The following AOPEP variants were observed in gnomAD, a reference collection of about 807,000 sequenced individuals.
AOPEP encodes aminopeptidase O (putative).
A neutral mutation model predicts 98.1 loss-of-function variants in AOPEP; 77 were observed. The ratio of observed to expected loss-of-function variants is 0.78; its 90% CI spans 0.65 to 0.95. AOPEP has a LOEUF of 0.95. Ranked by LOEUF, AOPEP falls within the 40% of genes least tolerant of loss-of-function variation. The probability of loss-of-function intolerance (pLI) is 0.00; values close to 1 mark genes in which losing one functional copy is unlikely to be tolerated. For missense variants in AOPEP, 1,024 were observed against 1,024.7 expected (o/e 1.00, Z 0.01); for synonymous variants, 346 against 365.3 (o/e 0.95, Z 0.60).
At chr9:95,146,991 TAA>T in the AOPEP span, among the ~76,000 whole-genome samples, 18 of 151,046 alleles carry the variant, frequency 1.2e-4, no homozygotes, top group Non-Finnish European at 3.0e-5. Context: ...AAATTTTATC[TAA>T]GTTATTTTAG....
chr9:95,086,037 G>C lies in AOPEP; in HGVS notation c.*5-645G>C, dbSNP rs527734535. 5.4e-5 allele frequency: 74 copies of C among 1,367,624 alleles called. No individual in the cohort carries two copies. In the Admixed American group the frequency reaches 1.4e-3, roughly 26 times the overall value. The allele number at this position is 1,367,624 out of a possible 1,614,324, so 84.7% of individuals were successfully genotyped here. A position where few individuals can be genotyped will look rare whatever the true frequency, so the allele number is the denominator to read the frequency against. ...GGACCCGCCCTCCGGTGCCTACTGA[G>C]CTGATATCAGTTCTCATTTTACACA... On this transcript the variant is annotated intron_variant, in intron 16 of 16. Transcript: ENST00000375315.
intron 13 of AOPEP, among the ~76,000 whole-genome samples, chr9:95,060,371 G>T (rs1017470740): frequency 1.3e-5 from 2 of 152,142 alleles, no homozygotes; most frequent in African/African-American, 4.8e-5. Context: ...TGGTGTATGC[G>T]TGCTGTAAAG....
At chr9:94,983,056 C>A (rs959606065) in intron 11 of AOPEP, among the ~76,000 whole-genome samples, 4 of 152,052 alleles carry the variant, frequency 2.6e-5, no homozygotes, top group Non-Finnish European at 5.9e-5. Context: ...GAGACAGAGT[C>A]TCGCTTTGTC....
At chr9:95,005,663 C>G in intron 13 of AOPEP, 47 bp downstream of exon 13, 1 of 1,503,882 alleles carries the variant, frequency 6.6e-7, no homozygotes. Context: ...GGTAAATCCG[C>G]TTCTGCCCCG....
chr9:94,953,364 C>T (rs1177126541), intron 7 of AOPEP, among the ~76,000 whole-genome samples: 1 of 152,174 alleles, frequency 6.6e-6, no homozygotes, highest in African/African-American at 2.4e-5. Flanking sequence ...TGATGGTTTT[C>T]ATCATCATCT....
intron 5 of AOPEP, among the ~76,000 whole-genome samples, chr9:94,832,454 G>C (rs980019815): frequency 1.3e-5 from 2 of 152,176 alleles, no homozygotes; most frequent in Non-Finnish European, 2.9e-5. Context: ...AATGCAGGGG[G>C]CTTCACCTCC....
intron 5 of AOPEP, among the ~76,000 whole-genome samples, chr9:94,921,759 G>A (rs1264447370): frequency 1.3e-5 from 2 of 152,288 alleles, no homozygotes; most frequent in Non-Finnish European, 2.9e-5. Context: ...GGAGGCTTTC[G>A]ATTCAGGTTC....
chr9:94,986,007 A>C (rs1034519217), intron 11 of AOPEP, among the ~76,000 whole-genome samples: 2 of 152,194 alleles, frequency 1.3e-5, no homozygotes, highest in Admixed American at 1.3e-4. Flanking sequence ...TATTTTTGGC[A>C]TCTAAGGCTT....
At chr9:94,916,290 T>C (rs78317711) in intron 5 of AOPEP, among the ~76,000 whole-genome samples, 2,402 of 152,310 alleles carry the variant, frequency 0.016, 65 homozygotes, top group African/African-American at 0.055. Flanking sequence ...GTCATCTGCG[T>C]GCTCCAATGA....
chr9:94,763,813 C>T (rs949272410), intron 2 of AOPEP, among the ~76,000 whole-genome samples: 6 of 152,090 alleles, frequency 3.9e-5, no homozygotes, highest in East Asian at 1.9e-4. Flanking sequence ...CAAGTAGTTT[C>T]GAATGACATC....
At chr9:94,827,050 T>C (rs1393705931) in intron 5 of AOPEP, among the ~76,000 whole-genome samples, 1 of 152,180 alleles carries the variant, frequency 6.6e-6, no homozygotes, top group Middle Eastern at 3.2e-3. Context: ...ATTTGGTTTG[T>C]GGAAGAGATG....
chr9:94,825,515 C>T (rs1343686482), intron 5 of AOPEP, among the ~76,000 whole-genome samples: 3 of 152,352 alleles, frequency 2.0e-5, no homozygotes, highest in Non-Finnish European at 2.9e-5. Context: ...GACGCTCAGT[C>T]GTTTTAAATA....
In AOPEP at chr9:94,993,828, A is replaced by G. The variant is rs141802525; in HGVS notation, c.1978-11330A>G. 2.8e-3 allele frequency among the ~76,000 whole-genome samples: 422 copies of G among 152,284 alleles called. 6 individuals are homozygous for G. Among genetic ancestry groups the G allele is most frequent in the African/African-American group, 9.6e-3 (398 of 41,548 alleles). ...ACCAACTTTATTGGCATGAACATGC[A>G]TGGAAGGGAGGCCAAAGTCAATACA... is the stretch of plus-strand genomic sequence containing the variant. On this transcript the variant is annotated intron_variant, in intron 11 of 16. Coordinates refer to ENST00000375315, the MANE Select transcript of AOPEP (RefSeq NM_001193329.3).
chr9:95,060,370 C>T (rs571051639), intron 13 of AOPEP, among the ~76,000 whole-genome samples: 2 of 152,100 alleles, frequency 1.3e-5, no homozygotes, highest in South Asian at 2.1e-4. Flanking sequence ...CTGGTGTATG[C>T]GTGCTGTAAA....
At chr9:95,107,404 G>A in the AOPEP span, 67 of 957,710 alleles carry the variant, frequency 7.0e-5, no homozygotes, top group Admixed American at 1.2e-4. Context: ...GCTAGGCAGC[G>A]GCCGAATTTA....
intron 11 of AOPEP, among the ~76,000 whole-genome samples, chr9:94,985,482 C>G (rs560242736): frequency 1.0e-3 from 154 of 152,258 alleles, no homozygotes; most frequent in African/African-American, 3.7e-3. Flanking sequence ...AGGGGAATGA[C>G]TAGTAGACTT....
chr9:95,051,136 C>T (rs1251282784), intron 13 of AOPEP, among the ~76,000 whole-genome samples: 2 of 144,032 alleles, frequency 1.4e-5, no homozygotes, highest in East Asian at 4.1e-4. Context: ...GTCGCCCAGG[C>T]TGAAGTGCAA....
chr9:94,751,089 G>A (rs1175795332), intron 1 of AOPEP, among the ~76,000 whole-genome samples: 1 of 151,994 alleles, frequency 6.6e-6, no homozygotes, highest in African/African-American at 2.4e-5. Flanking sequence ...GCAACCTCTG[G>A]CATAAATGGG....
intron 6 of AOPEP, among the ~76,000 whole-genome samples, chr9:94,925,181 G>T (rs1208122865): frequency 6.6e-6 from 1 of 152,124 alleles, no homozygotes; most frequent in Non-Finnish European, 1.5e-5. Context: ...TAGTAGACGG[G>T]GGTTTCGCCA....
Sources: gnomAD v4.1 joint callset for allele counts (sites outside exome capture counted in the v4.1 genomes callset) on GRCh38, gnomAD v4.1.1 for gene constraint, MANE v1.5 for transcripts, NCBI Gene and HGNC (gene_info 2026-07-23, HGNC 2026-07-21) for gene names.